The following PTPRK variants were observed in gnomAD, a reference collection of about 807,000 sequenced individuals.
PTPRK encodes protein tyrosine phosphatase receptor type K.
In PTPRK, 75 loss-of-function variants were observed where a neutral mutation model predicts 178.0. The observed-to-expected ratio is 0.42, with a 90% CI of 0.35 to 0.51. The LOEUF is 0.51. Among genes scored for constraint, PTPRK ranks in the 20% least tolerant of loss-of-function variants. PTPRK has a pLI of 0.02. For synonymous variants in PTPRK, 637 were observed against 620.6 expected (o/e 1.03, Z -0.39); for missense variants, 1,441 against 1,797.8 (o/e 0.80, Z 3.59).
At chr6:128,018,956 G>A (rs1486518273) in intron 13 of PTPRK, among the ~76,000 whole-genome samples, 2 of 152,048 alleles carry the variant, frequency 1.3e-5, no homozygotes, top group Non-Finnish European at 2.9e-5. Context: ...TTTAGAGAGC[G>A]TATAAACTAG....
intron 7 of PTPRK, among the ~76,000 whole-genome samples, chr6:128,133,482 T>C (rs1794564692): frequency 1.3e-5 from 2 of 152,212 alleles, no homozygotes; most frequent in African/African-American, 4.8e-5. Flanking sequence ...ATGAAGTGGT[T>C]ACATTCAATT....
chr6:128,123,202 C>T (rs2114409082), intron 7 of PTPRK, among the ~76,000 whole-genome samples: 1 of 152,164 alleles, frequency 6.6e-6, no homozygotes. Flanking sequence ...CTAAGGAAAG[C>T]CAGGAGTCAC....
intron 7 of PTPRK, among the ~76,000 whole-genome samples, chr6:128,098,945 C>A (rs1788342812): frequency 1.3e-5 from 2 of 151,270 alleles, no homozygotes; most frequent in African/African-American, 4.9e-5. Flanking sequence ...CACTACACTC[C>A]CACAGAGAAT....
chr6:128,321,341 T>A (rs1828757873), intron 3 of PTPRK: 1 of 160,750 alleles, frequency 6.2e-6, no homozygotes, highest in Non-Finnish European at 1.3e-5. Context: ...CTCTCCAAAC[T>A]AGTAAATGAA....
At chr6:128,426,410 G>C (rs1382358592) in intron 1 of PTPRK, among the ~76,000 whole-genome samples, 1 of 152,004 alleles carries the variant, frequency 6.6e-6, no homozygotes, top group Non-Finnish European at 1.5e-5. Flanking sequence ...TATTTTTACA[G>C]TATTTTATTC....
chr6:128,003,080 C>A lies in PTPRK; in HGVS notation c.2494+2004G>T, dbSNP rs544895095. 4 of 945,110 alleles carry A rather than the reference C, an allele frequency of 4.2e-6. No individual in the cohort carries two copies. The African/African-American group carries it at 4.9e-5, about 12-fold the overall frequency. 58.5% of individuals were successfully genotyped at this position (945,110 alleles called of 1,614,324 possible). ...GTTGCTCTCTTTGATAATACCATGG[C>A]TGTCTATTTTCAAAATCAAGCTGCC... is the stretch of plus-strand genomic sequence containing the variant. On this transcript the variant is annotated intron_variant, in intron 15 of 29. Transcript: ENST00000368226.
intron 1 of PTPRK, among the ~76,000 whole-genome samples, chr6:128,516,997 G>A (rs1435098408): frequency 6.6e-6 from 1 of 150,770 alleles, no homozygotes; most frequent in Non-Finnish European, 1.5e-5. Flanking sequence ...TTATGGTCTG[G>A]CCAATCTAGT....
At chr6:128,038,297 C>A (rs939287699) in intron 13 of PTPRK, among the ~76,000 whole-genome samples, 1 of 152,010 alleles carries the variant, frequency 6.6e-6, no homozygotes, top group Non-Finnish European at 1.5e-5. Context: ...AAGCATTATG[C>A]AAATTTTAAA....
intron 4 of PTPRK, chr6:128,241,359 A>G (rs1562854578): frequency 1.9e-6 from 1 of 525,292 alleles, no homozygotes. Context: ...GCCCCACCCC[A>G]GACCTATTCA....
intron 1 of PTPRK, among the ~76,000 whole-genome samples, chr6:128,456,903 A>G (rs1471904110): frequency 6.6e-6 from 1 of 152,084 alleles, no homozygotes; most frequent in Non-Finnish European, 1.5e-5. Context: ...AATTTGAAAA[A>G]TACATTTCCC....
intron 13 of PTPRK, among the ~76,000 whole-genome samples, chr6:128,059,419 T>G (rs1780449915): frequency 6.6e-6 from 1 of 152,318 alleles, no homozygotes; most frequent in Admixed American, 6.5e-5. Context: ...CATCTTAAAA[T>G]ACTGTTTTGT....
At chr6:128,101,014 G>A (rs901552250) in intron 7 of PTPRK, among the ~76,000 whole-genome samples, 1 of 151,948 alleles carries the variant, frequency 6.6e-6, no homozygotes, top group African/African-American at 2.4e-5. Context: ...ACATAGAAAC[G>A]ACAACCTAGA....
intron 7 of PTPRK, among the ~76,000 whole-genome samples, chr6:128,150,049 G>A (rs1562678168): frequency 6.6e-6 from 1 of 152,126 alleles, no homozygotes; most frequent in South Asian, 2.1e-4. Flanking sequence ...GTTTGCTCAT[G>A]AGCTGGAGGC....
chr6:128,348,085 T>A (rs1832655544), intron 2 of PTPRK, among the ~76,000 whole-genome samples: 1 of 152,068 alleles, frequency 6.6e-6, no homozygotes. Context: ...CATATACTTT[T>A]ATAAAAAGCT....
At chr6:128,206,736 T>A (rs1461274967) in intron 6 of PTPRK, among the ~76,000 whole-genome samples, 1 of 152,128 alleles carries the variant, frequency 6.6e-6, no homozygotes. Flanking sequence ...TGAGATAAAT[T>A]CAATTATAAT....
intron 6 of PTPRK, among the ~76,000 whole-genome samples, chr6:128,202,326 T>C (rs1011255614): frequency 2.6e-5 from 4 of 152,130 alleles, no homozygotes; most frequent in African/African-American, 7.2e-5. Context: ...CCGTAAATAT[T>C]TGCAACCTGC....
rs117437681 is a variant in PTPRK, at chr6:128,444,832, A to G, written c.101-47144T>C. On this transcript the variant is annotated intron_variant, in intron 1 of 29. Transcript: ENST00000368226. ...GAACAACAGATCTTCCTTCAAAGCC[A>G]GGATTTTCACACACCATTTATATGA... Among the ~76,000 whole-genome samples, 192 of 152,312 alleles carry G rather than the reference A, an allele frequency of 1.3e-3. 2 individuals are homozygous for G. Among genetic ancestry groups the G allele is most frequent in the East Asian group, 0.012 (60 of 5,190 alleles).
chr6:128,083,913 A>C, intron 8 of PTPRK, 89 bp from the exon 9 acceptor site: 1 of 549,190 alleles, frequency 1.8e-6, no homozygotes, highest in East Asian at 3.4e-5. Context: ...CAGGATTAAA[A>C]ATAAATATAA....
intron 7 of PTPRK, among the ~76,000 whole-genome samples, chr6:128,142,330 T>C (rs546560909): frequency 1.3e-5 from 2 of 152,046 alleles, no homozygotes; most frequent in East Asian, 1.9e-4. Context: ...TGGTAGAGTA[T>C]AAAGTCTACC....
Sources: gnomAD v4.1 joint callset for allele counts (sites outside exome capture counted in the v4.1 genomes callset) on GRCh38, gnomAD v4.1.1 for gene constraint, MANE v1.5 for transcripts, NCBI Gene and HGNC (gene_info 2026-07-23, HGNC 2026-07-21) for gene names.